ARHGAP44: variants seen among roughly 807,000 people sequenced by gnomAD.
ARHGAP44 encodes rho GTPase-activating protein 44.
In ARHGAP44, 43 loss-of-function variants were observed where a neutral mutation model predicts 106.8. The observed-to-expected ratio is 0.40, with a 90% CI of 0.32 to 0.52. The LOEUF (loss-of-function observed/expected upper bound fraction) is 0.52, where lower values mean the gene tolerates loss of function less well. Ranked by LOEUF, ARHGAP44 falls within the 20% of genes least tolerant of loss-of-function variation. The pLI is 0.48. For missense variants in ARHGAP44, 866 were observed against 1,050.5 expected, an observed-to-expected ratio of 0.82 and a Z score of 2.43; for synonymous variants, 439 against 410.3, an observed-to-expected ratio of 1.07 and a Z score of -0.85.
intron 1 of ARHGAP44, among the ~76,000 whole-genome samples, chr17:12,844,843 C>A (rs961262966): frequency 8.1e-5 from 11 of 135,558 alleles, no homozygotes; most frequent in Admixed American, 6.9e-4. Flanking sequence ...GTATTTGGGC[C>A]AGGCTTTATG....
At chr17:12,810,147 A>G (rs2034394938) in intron 1 of ARHGAP44, among the ~76,000 whole-genome samples, 2 of 152,214 alleles carry the variant, frequency 1.3e-5, no homozygotes, top group Admixed American at 1.3e-4. Flanking sequence ...TTTAGCTTAG[A>G]GTGTCACCCA....
intron 20 of ARHGAP44, chr17:12,986,051 T>C (rs138435324): frequency 1.3e-5 from 2 of 152,344 alleles, no homozygotes; most frequent in East Asian, 3.9e-4. Flanking sequence ...TTCAGCTCCG[T>C]GCTGCCTTTG....
intron 1 of ARHGAP44, among the ~76,000 whole-genome samples, chr17:12,813,298 G>GT (rs201101518): frequency 2.7e-5 from 4 of 147,190 alleles, no homozygotes; most frequent in South Asian, 4.3e-4. Context: ...GTTAAAGGAG[G>GT]TTTTTTGTTT....
chr17:12,933,871 C>T (rs917330467), intron 7 of ARHGAP44, among the ~76,000 whole-genome samples: 10 of 142,792 alleles, frequency 7.0e-5, no homozygotes, highest in Non-Finnish European at 7.5e-5. Flanking sequence ...TTTTTTGAGA[C>T]GGTGTCTGGC....
chr17:12,866,689 G>A (rs1019580637), intron 1 of ARHGAP44, among the ~76,000 whole-genome samples: 18 of 152,176 alleles, frequency 1.2e-4, no homozygotes, highest in African/African-American at 4.1e-4. Context: ...GGCTTGTACA[G>A]CATCTTAGCA....
At chr17:12,961,420 A>G (rs2039257900) in intron 16 of ARHGAP44, among the ~76,000 whole-genome samples, 2 of 152,214 alleles carry the variant, frequency 1.3e-5, no homozygotes, top group Admixed American at 1.3e-4. Flanking sequence ...CATAAAATAA[A>G]TGTTTCAAAA....
chr17:12,876,019 G>C (rs1467844531), intron 1 of ARHGAP44, among the ~76,000 whole-genome samples: 1 of 152,204 alleles, frequency 6.6e-6, no homozygotes, highest in Non-Finnish European at 1.5e-5. Flanking sequence ...TGACCAGTTA[G>C]AGCTAGAAGC....
chr17:12,938,955 AT>A, intron 7 of ARHGAP44, among the ~76,000 whole-genome samples: 1 of 152,308 alleles, frequency 6.6e-6, no homozygotes, highest in African/African-American at 2.4e-5. Context: ...TTGAAGGTGT[AT>A]TTGATGCAAC....
At chr17:12,825,062 G>A (rs2034878973) in intron 1 of ARHGAP44, among the ~76,000 whole-genome samples, 1 of 151,896 alleles carries the variant, frequency 6.6e-6, no homozygotes, top group African/African-American at 2.4e-5. Context: ...TTGAGATGGT[G>A]TCTCACTCTG....
intron 1 of ARHGAP44, among the ~76,000 whole-genome samples, chr17:12,841,853 A>G (rs750137991): frequency 1.3e-5 from 2 of 152,240 alleles, no homozygotes; most frequent in Non-Finnish European, 2.9e-5. Flanking sequence ...AAATAAAAGA[A>G]TTTTTAAAAA....
At chr17:12,886,709 A>G (rs2036890905) in intron 1 of ARHGAP44, among the ~76,000 whole-genome samples, 1 of 152,122 alleles carries the variant, frequency 6.6e-6, no homozygotes, top group Non-Finnish European at 1.5e-5. Flanking sequence ...GGCATTTTCT[A>G]CATAGACTAT....
intron 1 of ARHGAP44, among the ~76,000 whole-genome samples, chr17:12,887,990 A>G (rs928566856): frequency 1.3e-5 from 2 of 150,742 alleles, no homozygotes; most frequent in African/African-American, 4.9e-5. Context: ...CTTCATTCCT[A>G]TTGTTGATAA....
At chr17:12,975,311 CT>C (rs560285271) in intron 18 of ARHGAP44, among the ~76,000 whole-genome samples, 10 of 149,538 alleles carry the variant, frequency 6.7e-5, no homozygotes, top group South Asian at 2.1e-4. Context: ...ATAGCAGCCA[CT>C]TTTTTTTTTC....
intron 1 of ARHGAP44, among the ~76,000 whole-genome samples, chr17:12,840,858 A>C (rs1597918698): frequency 6.6e-6 from 1 of 152,262 alleles, no homozygotes; most frequent in East Asian, 1.9e-4. Context: ...CACAAACCCC[A>C]CTGATGACCG....
At chr17:12,859,790 C>T (rs542005838) in intron 1 of ARHGAP44, among the ~76,000 whole-genome samples, 5 of 152,292 alleles carry the variant, frequency 3.3e-5, no homozygotes, top group Admixed American at 6.5e-5. Flanking sequence ...CAGGGCCACA[C>T]GGGAAAGCAC....
chr17:12,909,433 A>C (rs2037656185), intron 4 of ARHGAP44, among the ~76,000 whole-genome samples: 1 of 152,216 alleles, frequency 6.6e-6, no homozygotes, highest in Non-Finnish European at 1.5e-5. Flanking sequence ...CAATTATTTA[A>C]ATGGAAATTT....
intron 1 of ARHGAP44, among the ~76,000 whole-genome samples, chr17:12,879,733 TACACAC>T (rs757560105): frequency 1.3e-5 from 2 of 148,372 alleles, no homozygotes; most frequent in Non-Finnish European, 3.0e-5. Context: ...TATATATATA[TACACAC>T]ACACACACAC....
chr17:12,789,875 A>C lies in ARHGAP44; in HGVS notation c.37A>C (p.Asn13His). The C allele has an allele frequency of 6.6e-7, 1 of 1,522,206 alleles. No individual in the cohort carries two copies. The highest frequency in any genetic ancestry group is 8.8e-7 in the Non-Finnish European group (1 of 1,138,346). The allele number at this position is 1,522,206 out of a possible 1,614,324, so 94.3% of individuals were successfully genotyped here. A position where few individuals can be genotyped will look rare whatever the true frequency, so the allele number is the denominator to read the frequency against. Residue 13 changes from asparagine (N) to histidine (H), a missense_variant, in exon 1 of 21, where the codon AAC becomes CAC. Physicochemically the swap from Asn to His is moderately conservative, Grantham distance 68 (BLOSUM62 1). Transcript: ENST00000379672. The stretch of plus-strand genomic sequence containing the variant: ...GTTCAATCGCATGCGCCAGCTGGCC[A>C]ACCAGACGGTGGGCAGGTAGGTCAC... Reference protein sequence around the residue: ...KQFNRMRQLANQTVGRAEKTE... With the variant: ...KQFNRMRQLAHQTVGRAEKTE...
chr17:12,950,911 AAATATGT>A (rs2038977543), intron 12 of ARHGAP44, among the ~76,000 whole-genome samples: 1 of 152,172 alleles, frequency 6.6e-6, no homozygotes. Context: ...AACAACAGTG[AAATATGT>A]GTCTGATGCT....
Sources: allele counts gnomAD v4.1 joint callset (sites outside exome capture counted in the v4.1 genomes callset), GRCh38; gene constraint gnomAD v4.1.1; transcripts MANE v1.5; gene names NCBI Gene and HGNC (gene_info 2026-07-23, HGNC 2026-07-21).